ESCO2: variants seen among roughly 807,000 people sequenced by gnomAD.
The protein encoded by ESCO2 is N-acetyltransferase ESCO2.
Under a neutral mutation model 61.7 loss-of-function variants are expected in ESCO2, and 51 were observed. The ratio of observed to expected loss-of-function variants is 0.83; its 90% CI spans 0.66 to 1.04. The LOEUF (loss-of-function observed/expected upper bound fraction) is 1.04, where lower values mean the gene tolerates loss of function less well. ESCO2 is among the 50% of genes least tolerant of loss of function. ESCO2 has a pLI of 0.00. For synonymous variants in ESCO2, 230 were observed against 238.2 expected, an observed-to-expected ratio of 0.97 and a Z score of 0.32; for missense variants, 692 against 686.2, an observed-to-expected ratio of 1.01 and a Z score of -0.09.
chr8:27,789,796 AAAG>A (rs1207325093), intron 7 of ESCO2, among the ~76,000 whole-genome samples: 6 of 152,132 alleles, frequency 3.9e-5, no homozygotes, highest in African/African-American at 1.4e-4. Flanking sequence ...AAAAAAAAAA[AAAG>A]CCATAGATGA....
At chr8:27,772,291 G>A (rs901940012), upstream of ESCO2, among the ~76,000 whole-genome samples, 2 of 152,226 alleles carry the variant, frequency 1.3e-5, no homozygotes, top group African/African-American at 4.8e-5. Flanking sequence ...CATAGCAGTG[G>A]CATCGCCCCT....
chr8:27,798,461 T>TAAA (rs34991890), intron 9 of ESCO2, among the ~76,000 whole-genome samples: 5 of 146,382 alleles, frequency 3.4e-5, no homozygotes, highest in African/African-American at 1.3e-4. Context: ...TCCGTCTCTT[T>TAAA]AAAAAAAAAA....
intron 10 of ESCO2, among the ~76,000 whole-genome samples, chr8:27,801,041 T>C (rs924254463): frequency 3.3e-5 from 5 of 152,146 alleles, no homozygotes; most frequent in African/African-American, 9.7e-5. Flanking sequence ...TTTGTTAATA[T>C]ACACAAAACC....
At chr8:27,809,833 C>CT (rs1364734592), downstream of ESCO2, 1 of 153,678 alleles carries the variant, frequency 6.5e-6, no homozygotes, top group Admixed American at 6.5e-5. Flanking sequence ...AGGAGCTACT[C>CT]TTTTTGAGGC....
At chr8:27,780,427 G>C (rs1407786309) in intron 4 of ESCO2, among the ~76,000 whole-genome samples, 160 bp downstream of exon 4, 1 of 152,152 alleles carries the variant, frequency 6.6e-6, no homozygotes, top group Non-Finnish European at 1.5e-5. Context: ...CTGTAGTAAA[G>C]CAGTGCATTG....
intron 3 of ESCO2, 123 bp downstream of exon 3, chr8:27,777,292 T>C: frequency 1.1e-6 from 1 of 883,862 alleles, no homozygotes; most frequent in South Asian, 1.8e-5. Flanking sequence ...AGTGTTTAGT[T>C]ACTGTAAGGA....
downstream of ESCO2, among the ~76,000 whole-genome samples, chr8:27,807,712 AT>A (rs1439304130): frequency 1.3e-5 from 2 of 151,906 alleles, no homozygotes; most frequent in African/African-American, 4.8e-5. Flanking sequence ...GTAAGTTTTA[AT>A]TTTTTCCCCC....
Position 27,802,630 on chromosome 8 carries a change from A to AAAT in ESCO2, c.1674-675_1674-674insATA, listed in dbSNP as rs1554557661. On this transcript the variant is annotated intron_variant, in intron 10 of 10. Coordinates refer to ENST00000305188, the MANE Select transcript of ESCO2 (RefSeq NM_001017420.3). ...CTCAAAAAAAAAAAAAAAAAAAAAA[A>AAAT]ATATATATATATATATATATATATA... Among the ~76,000 whole-genome samples the AAAT allele has an allele frequency of 9.5e-3, 434 of 45,778 alleles. 14 individuals are homozygous for AAAT. Among genetic ancestry groups the AAAT allele is most frequent in the East Asian group, 0.036 (33 of 928 alleles). The allele number at this position is 45,778 out of a possible 152,430, so 30.0% of individuals were successfully genotyped here. A position where few individuals can be genotyped will look rare whatever the true frequency, so the allele number is the denominator to read the frequency against.
intron 5 of ESCO2, among the ~76,000 whole-genome samples, chr8:27,784,713 AGGC>A (rs1804999214): frequency 6.6e-6 from 1 of 152,178 alleles, no homozygotes; most frequent in African/African-American, 2.4e-5. Context: ...AGAGCATGAT[AGGC>A]GGCAGAGCTC....
intron 9 of ESCO2, among the ~76,000 whole-genome samples, chr8:27,797,051 G>A (rs1182273175): frequency 6.6e-6 from 1 of 152,164 alleles, no homozygotes; most frequent in Admixed American, 6.5e-5. Flanking sequence ...GTTCGAAGCT[G>A]CAGTGTGCTA....
At position 27,804,072 on chromosome 8, in the gene ESCO2, C is replaced by T. The variant is rs1757765122; in HGVS notation, c.*634C>T. 2 of 985,162 alleles carry T rather than the reference C, an allele frequency of 2.0e-6. No homozygotes were observed. The highest frequency in any genetic ancestry group is 6.2e-5 in the Admixed American group (1 of 16,236). 61.0% of individuals were successfully genotyped at this position (985,162 alleles called of 1,614,324 possible). A position where few individuals can be genotyped will look rare whatever the true frequency, so the allele number is the denominator to read the frequency against. ...ACAGAGTCTTCACTTGATAGGCACT[C>T]GTCTGTAGTAACTCAGTTTGAATAT... On this transcript the variant is annotated 3_prime_UTR_variant, in exon 11 of 11. Transcript: ENST00000305188.
intron 8 of ESCO2, 68 bp from the exon 9 acceptor site, chr8:27,792,600 T>C: frequency 2.1e-6 from 3 of 1,461,442 alleles, no homozygotes; most frequent in Non-Finnish European, 2.8e-6. Flanking sequence ...ATTCTGTGTA[T>C]ATAAATATGT....
At chr8:27,799,765 C>A (rs760740518) in intron 10 of ESCO2, 49 bp downstream of exon 10, 1 of 1,602,200 alleles carries the variant, frequency 6.2e-7, no homozygotes, top group Non-Finnish European at 8.5e-7. Flanking sequence ...TCATAGCTTT[C>A]CCAGAACCTC....
chr8:27,775,643 A>AAT, intron 2 of ESCO2, 76 bp downstream of exon 2: 1 of 1,508,478 alleles, frequency 6.6e-7, no homozygotes. Context: ...CTATTTTCTA[A>AAT]AATTTTCGTT....
chr8:27,803,598 ATG>A lies in ESCO2; in HGVS notation c.*161_*162del, dbSNP rs1805502778. 1.4e-6 allele frequency: 2 copies of A among 1,390,204 alleles called. No individual in the cohort carries two copies. The highest frequency in any genetic ancestry group is 3.5e-5 in the South Asian group (2 of 56,378). 86.1% of individuals were successfully genotyped at this position (1,390,204 alleles called of 1,614,324 possible). A position where few individuals can be genotyped will look rare whatever the true frequency, so the allele number is the denominator to read the frequency against. On this transcript the variant is annotated 3_prime_UTR_variant, in exon 11 of 11. Coordinates refer to ENST00000305188, the MANE Select transcript of ESCO2 (RefSeq NM_001017420.3). ...CACACATATCACAGTTTTGTTCCTT[ATG>A]AGTTGAAAAGTCAGGAATAAATTTG...
chr8:27,774,282 C>T (rs1804726951), upstream of ESCO2: 1 of 152,000 alleles, frequency 6.6e-6, no homozygotes, highest in African/African-American at 2.4e-5. Context: ...ATCTCAACTT[C>T]AACTGGACCG....
chr8:27,797,017 C>G (rs1287878356), intron 9 of ESCO2, among the ~76,000 whole-genome samples: 1 of 152,058 alleles, frequency 6.6e-6, no homozygotes, highest in Non-Finnish European at 1.5e-5. Flanking sequence ...GAGGCTGAGG[C>G]AGGAAGATTA....
intron 10 of ESCO2, 101 bp downstream of exon 10, chr8:27,799,817 C>A: frequency 7.4e-7 from 1 of 1,353,928 alleles, no homozygotes; most frequent in Non-Finnish European, 1.1e-6. Flanking sequence ...TAAGATACTT[C>A]AGTATAAATA....
At chr8:27,815,905 T>G (rs1288008120), downstream of ESCO2, among the ~76,000 whole-genome samples, 1 of 152,236 alleles carries the variant, frequency 6.6e-6, no homozygotes, top group Non-Finnish European at 1.5e-5. Flanking sequence ...AACAAAAGTT[T>G]GATGAGATCA....
Sources: gnomAD v4.1 joint callset for allele counts (sites outside exome capture counted in the v4.1 genomes callset) on GRCh38, gnomAD v4.1.1 for gene constraint, MANE v1.5 for transcripts, NCBI Gene and HGNC (gene_info 2026-07-23, HGNC 2026-07-21) for gene names.